The following TPRG1 variants were observed in gnomAD, a reference collection of about 807,000 sequenced individuals.
The protein encoded by TPRG1 is tumor protein p63 regulated 1.
In TPRG1, 29 loss-of-function variants were observed where a neutral mutation model predicts 29.3. The observed-to-expected ratio is 0.99, with a 90% CI of 0.74 to 1.35. TPRG1 has a LOEUF of 1.35. Ranked by LOEUF, TPRG1 falls within the 40% of genes most tolerant of loss-of-function variation. The pLI is 0.00. For synonymous variants in TPRG1, 130 were observed against 116.8 expected (o/e 1.11, Z -0.73); for missense variants, 327 against 335.0 (o/e 0.98, Z 0.19).
At chr3:189,107,027 C>A (rs1341992877) in intron 1 of TPRG1, among the ~76,000 whole-genome samples, 2 of 151,632 alleles carry the variant, frequency 1.3e-5, no homozygotes, top group Admixed American at 1.3e-4. Flanking sequence ...GAAAAAATAG[C>A]ATTTGTTTTT....
intron 5 of TPRG1, among the ~76,000 whole-genome samples, chr3:189,166,864 T>G (rs1353726388): frequency 6.6e-6 from 1 of 152,172 alleles, no homozygotes; most frequent in Non-Finnish European, 1.5e-5. Flanking sequence ...TCAATTTAAT[T>G]CGACCATATA....
intron 1 of TPRG1, among the ~76,000 whole-genome samples, chr3:189,122,637 C>T (rs1054438633): frequency 2.0e-5 from 3 of 152,294 alleles, no homozygotes; most frequent in East Asian, 1.9e-4. Flanking sequence ...GTCCTTTTAT[C>T]GTTGTGAAAC....
Position 189,016,519 on chromosome 3 carries a change from T to G in TPRG1, c.-659-7231T>G, listed in dbSNP as rs549060203. Among the ~76,000 whole-genome samples the G allele has an allele frequency of 3.2e-4, 49 of 152,144 alleles. 3 individuals carry two copies. Among genetic ancestry groups the G allele is most frequent in the African/African-American group, 7.7e-4 (32 of 41,520 alleles). ...GAAAGGCATGACTGGTTTTGAAATGTGAGAAGGACATGAGATTCGGGAGGG... is the reference window on the plus strand; with the variant it reads ...GAAAGGCATGACTGGTTTTGAAATGGGAGAAGGACATGAGATTCGGGAGGG... On this transcript the variant is annotated intron_variant, in intron 3 of 10. Transcript: ENST00000433971.
chr3:189,223,263 G>A lies in TPRG1; in HGVS notation c.302+7880G>A, dbSNP rs539558724. Among the ~76,000 whole-genome samples, 3 of 152,286 alleles carry A rather than the reference G, an allele frequency of 2.0e-5. No individual in the cohort carries two copies. The South Asian group carries it at 6.2e-4, about 32-fold the overall frequency. ...TCCATCCGTTGTGTCCTGCCTCCGT[G>A]TCCATGGGCCTCCAAGCAACTCAAA... On this transcript the variant is annotated intron_variant, in intron 3 of 5. Coordinates refer to ENST00000345063, the MANE Select transcript of TPRG1 (RefSeq NM_198485.4).
At chr3:189,003,509 C>A (rs1644726130) in intron 2 of TPRG1, among the ~76,000 whole-genome samples, 1 of 152,152 alleles carries the variant, frequency 6.6e-6, no homozygotes, top group African/African-American at 2.4e-5. Flanking sequence ...TTTAATCTCT[C>A]CTCTTTGAGA....
intron 4 of TPRG1, among the ~76,000 whole-genome samples, chr3:189,281,907 GTC>G (rs1368866730): frequency 1.3e-5 from 2 of 151,886 alleles, no homozygotes; most frequent in Admixed American, 1.3e-4. Flanking sequence ...TGGAGACAGA[GTC>G]TCTCTCTGTC....
intron 4 of TPRG1, among the ~76,000 whole-genome samples, chr3:189,254,610 G>A (rs1464599957): frequency 1.3e-5 from 2 of 152,128 alleles, no homozygotes; most frequent in African/African-American, 4.8e-5. Flanking sequence ...ATTACTTTGG[G>A]CAGTACGGCC....
intron 1 of TPRG1, among the ~76,000 whole-genome samples, chr3:189,106,296 AC>A (rs1719817178): frequency 1.3e-5 from 2 of 151,578 alleles, no homozygotes; most frequent in African/African-American, 4.8e-5. Context: ...CCCTTCCCCC[AC>A]CCTGGGAATA....
chr3:189,080,305 C>T (rs1158436440), intron 4 of TPRG1, among the ~76,000 whole-genome samples: 1 of 152,076 alleles, frequency 6.6e-6, no homozygotes, highest in Non-Finnish European at 1.5e-5. Flanking sequence ...AAAGACCACT[C>T]CTCAACTGGA....
At chr3:189,164,854 G>T (rs1175240407) in intron 5 of TPRG1, among the ~76,000 whole-genome samples, 1 of 152,130 alleles carries the variant, frequency 6.6e-6, no homozygotes, top group East Asian at 1.9e-4. Flanking sequence ...TCCCCCTGGG[G>T]TCCCAAACGT....
chr3:189,209,731 T>C (rs1734969472), intron 2 of TPRG1, among the ~76,000 whole-genome samples: 1 of 152,232 alleles, frequency 6.6e-6, no homozygotes, highest in African/African-American at 2.4e-5. Context: ...GTAGAATTTA[T>C]GGCTCCTTTA....
intron 1 of TPRG1, among the ~76,000 whole-genome samples, chr3:189,196,591 C>T (rs566867397): frequency 1.6e-4 from 25 of 152,046 alleles, no homozygotes; most frequent in African/African-American, 4.3e-4. Flanking sequence ...CTCACTATCA[C>T]GAGAACAGCA....
At chr3:189,298,308 T>G (rs1401542291) in intron 4 of TPRG1, among the ~76,000 whole-genome samples, 1 of 152,192 alleles carries the variant, frequency 6.6e-6, no homozygotes, top group Non-Finnish European at 1.5e-5. Context: ...ACTCAGAAAA[T>G]TATTTTCTTG....
chr3:189,230,026 C>A (rs1295518163), intron 3 of TPRG1, among the ~76,000 whole-genome samples: 1 of 152,192 alleles, frequency 6.6e-6, no homozygotes, highest in Non-Finnish European at 1.5e-5. Flanking sequence ...GCTTCCTTGG[C>A]TTCTGATCAA....
At chr3:189,154,026 T>G (rs919160854) in intron 5 of TPRG1, among the ~76,000 whole-genome samples, 7 of 152,144 alleles carry the variant, frequency 4.6e-5, no homozygotes, top group African/African-American at 1.7e-4. Flanking sequence ...GCCCTTTGGG[T>G]AGAAACACCC....
At chr3:189,043,231 G>A (rs975502074) in intron 4 of TPRG1, among the ~76,000 whole-genome samples, 5 of 152,178 alleles carry the variant, frequency 3.3e-5, no homozygotes, top group Admixed American at 6.5e-5. Flanking sequence ...TGGTGCCTGA[G>A]TTTTAATAAA....
intron 3 of TPRG1, among the ~76,000 whole-genome samples, chr3:189,236,901 A>C (rs1739560343): frequency 6.6e-6 from 1 of 152,150 alleles, no homozygotes; most frequent in Admixed American, 6.6e-5. Flanking sequence ...AGTGGTACAT[A>C]ATTGGGTTAC....
chr3:189,249,706 T>C (rs1015643283), intron 4 of TPRG1, among the ~76,000 whole-genome samples: 1 of 152,056 alleles, frequency 6.6e-6, no homozygotes, highest in Admixed American at 6.6e-5. Flanking sequence ...TACTAGTGAT[T>C]GTAAGTGTAA....
Position 189,215,435 on chromosome 3 carries a change from A to G in TPRG1, c.302+52A>G, listed in dbSNP as rs369196826. The G allele has an allele frequency of 2.5e-3, 3,623 of 1,449,364 alleles. 117 individuals are homozygous for G. The South Asian group carries it at 0.041, about 16-fold the overall frequency. The allele number at this position is 1,449,364 out of a possible 1,614,324, so 89.8% of individuals were successfully genotyped here. On this transcript the variant is annotated intron_variant, in intron 3 of 5. Coordinates refer to ENST00000345063, the MANE Select transcript of TPRG1 (RefSeq NM_198485.4). ...CCGTGGAAATACAGCGTTTTCCTTG[A>G]CATCACTGTAGCAGAATAGGAGATG... is the stretch of plus-strand genomic sequence containing the variant.
Sources: gnomAD v4.1 joint callset for allele counts (sites outside exome capture counted in the v4.1 genomes callset) on GRCh38, gnomAD v4.1.1 for gene constraint, MANE v1.5 for transcripts, NCBI Gene and HGNC (gene_info 2026-07-23, HGNC 2026-07-21) for gene names.